PAX4: variants seen among roughly 807,000 people sequenced by gnomAD.
PAX4 encodes the protein paired box protein Pax-4.
PAX4 carries 33 observed loss-of-function variants against 40.6 expected under a neutral mutation model. The ratio of observed to expected loss-of-function variants is 0.81; its 90% CI spans 0.62 to 1.09. The LOEUF is 1.09. Among genes scored for constraint, PAX4 ranks in the 50% least tolerant of loss-of-function variants. The pLI, the probability that PAX4 is intolerant of heterozygous loss-of-function variation, is 0.00. For missense variants in PAX4, 459 were observed against 442.5 expected, an observed-to-expected ratio of 1.04 and a Z score of -0.33; for synonymous variants, 174 against 170.6, an observed-to-expected ratio of 1.02 and a Z score of -0.16.
At chr7:127,613,406 C>A (rs373842309) in intron 8 of PAX4, 44 bp downstream of exon 8, 26 of 1,589,638 alleles carry the variant, frequency 1.6e-5, no homozygotes, top group Non-Finnish European at 2.2e-5. Flanking sequence ...CCGGCCCAGA[C>A]TCTTCCTCCT....
In PAX4 at chr7:127,611,167, A is replaced by C; in HGVS notation, c.953T>G (p.Leu318Arg). The C allele has an allele frequency of 2.5e-6, 4 of 1,605,318 alleles. No homozygotes were observed. Among genetic ancestry groups the C allele is most frequent in the Non-Finnish European group, 2.6e-6 (3 of 1,176,032 alleles). The change falls in exon 12 of 12, where the codon CTG (leucine) becomes CGG (arginine). Residue 318 changes from leucine (L) to arginine (R), a missense_variant. Physicochemically the swap from Leu to Arg is moderately radical, Grantham distance 102. Transcript: ENST00000639438. ...PPQPNSLDSGLLCLPCPSSHC... is the reference protein window; with the variant it reads ...PPQPNSLDSGRLCLPCPSSHC... ...GGAGGAAGGGCAAGGAAGGCAAAGC[A>C]GTCCTGAGTCCAGGGAATTCGGCTG...
intron 4 of PAX4, 80 bp from the exon 5 acceptor site, chr7:127,615,175 A>G (rs1038585161): frequency 1.4e-5 from 22 of 1,609,752 alleles, no homozygotes; most frequent in Non-Finnish European, 1.7e-5. Context: ...GGAGGAGGCT[A>G]TAAGACAAAG....
chr7:127,616,725 T>C (rs1794728925), intron 2 of PAX4, among the ~76,000 whole-genome samples: 1 of 152,250 alleles, frequency 6.6e-6, no homozygotes, highest in Non-Finnish European at 1.5e-5. Context: ...GATCTCACAG[T>C]GAAGCTTCAA....
At chr7:127,612,467 GTGGATGGATGGATGGATGGATGGA>G (rs68012321) in intron 9 of PAX4, among the ~76,000 whole-genome samples, 4 of 141,836 alleles carry the variant, frequency 2.8e-5, no homozygotes, top group Admixed American at 2.8e-4. Context: ...GAATGAATGG[GTGGATGGATGGATGGATGGATGGA>G]TGGATGGATG....
intron 7 of PAX4, 33 bp from the exon 8 acceptor site, chr7:127,613,565 C>A: frequency 6.2e-7 from 1 of 1,610,638 alleles, no homozygotes; most frequent in Non-Finnish European, 8.5e-7. Context: ...AGTAAGGGCA[C>A]CGGGAGAGGA....
At position 127,611,012 on chromosome 7, in the gene PAX4, T is replaced by C; in HGVS notation, c.*52A>G. On this transcript the variant is annotated 3_prime_UTR_variant, in exon 12 of 12. Coordinates refer to ENST00000639438, the MANE Select transcript of PAX4 (RefSeq NM_001366110.1). Reference sequence around the variant, plus strand: ...TGTATGGGCAGGACGGTAAGGACAATGGGCAGGATGGTATTAGATCTTCTC... The same window carrying C: ...TGTATGGGCAGGACGGTAAGGACAACGGGCAGGATGGTATTAGATCTTCTC... The C allele has an allele frequency of 1.3e-6, 2 of 1,563,882 alleles. No individual in the cohort carries two copies. Among genetic ancestry groups the C allele is most frequent in the Non-Finnish European group, 1.7e-6 (2 of 1,152,278 alleles).
At chr7:127,613,399 G>A in intron 8 of PAX4, 51 bp downstream of exon 8, 2 of 1,568,294 alleles carry the variant, frequency 1.3e-6, no homozygotes, top group Non-Finnish European at 1.8e-6. Context: ...GCCCTGGCCG[G>A]CCCAGACTCT....
Position 127,613,906 on chromosome 7 carries a change from G to A in PAX4, c.437-25C>T, listed in dbSNP as rs757013212. 2.5e-6 allele frequency: 4 copies of A among 1,613,360 alleles called. No individual in the cohort carries two copies. In the South Asian group the frequency reaches 4.4e-5, roughly 18 times the overall value. On this transcript the variant is annotated intron_variant, in intron 6 of 11. Coordinates refer to ENST00000639438, the MANE Select transcript of PAX4 (RefSeq NM_001366110.1). Reference sequence around the variant, plus strand: ...GCTGAAAAGGAAGATAACAGTTTGTGGTGGTTTGTGATGGTGATTCCTCTG... The same window carrying A: ...GCTGAAAAGGAAGATAACAGTTTGTAGTGGTTTGTGATGGTGATTCCTCTG...
At position 127,610,542 on chromosome 7, in the gene PAX4, T is replaced by TA. The variant is rs1794601458; in HGVS notation, c.*521_*522insT. The stretch of plus-strand genomic sequence containing the variant: ...TTAGGAATAAAATGCCATGATATAA[T>TA]GTCAGTGTGTGTGTGTGTGTGTGTG... On this transcript the variant is annotated 3_prime_UTR_variant, in exon 12 of 12. Coordinates refer to ENST00000639438, the MANE Select transcript of PAX4 (RefSeq NM_001366110.1). The TA allele has an allele frequency of 1.4e-5, 3 of 214,786 alleles. No homozygotes were observed. Among genetic ancestry groups the TA allele is most frequent in the African/African-American group, 3.2e-5 (1 of 31,492 alleles). 13.3% of individuals were successfully genotyped at this position (214,786 alleles called of 1,614,324 possible).
At chr7:127,617,590 G>A (rs1272420697) in intron 1 of PAX4, among the ~76,000 whole-genome samples, 190 bp from the exon 2 acceptor site, 1 of 152,160 alleles carries the variant, frequency 6.6e-6, no homozygotes, top group Non-Finnish European at 1.5e-5. Context: ...CAGGGTGAAG[G>A]AGCTCAAAAT....
intron 8 of PAX4, among the ~76,000 whole-genome samples, 161 bp downstream of exon 8, chr7:127,613,282 GAGCAGTC>G (rs1229256469): frequency 6.6e-6 from 1 of 152,200 alleles, no homozygotes; most frequent in Non-Finnish European, 1.5e-5. Flanking sequence ...GAAGAGAGGA[GAGCAGTC>G]AGCAGAAGGT....
chr7:127,611,693 A>G lies in PAX4; in HGVS notation c.772-17T>C. On this transcript the variant is annotated splice_polypyrimidine_tract_variant and intron_variant, in intron 10 of 11. Coordinates refer to ENST00000639438, the MANE Select transcript of PAX4 (RefSeq NM_001366110.1). ...AGGGGACTGCTAAAAAAAAAAAGCA[A>G]GAGAAGAACCTTAGCTTCCAGTGAT... 1 of 1,607,790 alleles carries G rather than the reference A, an allele frequency of 6.2e-7. No individual in the cohort carries two copies. Among genetic ancestry groups the G allele is most frequent in the Non-Finnish European group, 8.5e-7 (1 of 1,179,856 alleles).
chr7:127,614,437 A>C, intron 6 of PAX4, 45 bp downstream of exon 6: 457 of 1,390,314 alleles, frequency 3.3e-4, no homozygotes, highest in Non-Finnish European at 4.2e-4. Context: ...ATAAAATGCT[A>C]GAGATTTGGC....
In PAX4 at chr7:127,613,478, G is replaced by A; in HGVS notation, c.617C>T (p.Ala206Val). The change falls in exon 8 of 12, where the codon GCC becomes GTC. Residue 206 changes from alanine to valine, a missense_variant. Coordinates refer to ENST00000639438, the MANE Select transcript of PAX4 (RefSeq NM_001366110.1). ...CACCGTGTCCTCAGGCAGAGAGGTG[G>A]CAGTAGCCAGCTTTCCACGGGCCAC... Reference protein sequence around the residue: ...DSVARGKLATATSLPEDTVRV... With the variant: ...DSVARGKLATVTSLPEDTVRV... 1.9e-6 allele frequency: 3 copies of A among 1,614,156 alleles called. No individual in the cohort carries two copies. In the African/African-American group the frequency reaches 4.0e-5, roughly 22 times the overall value.
At chr7:127,612,915 T>C in intron 9 of PAX4, 107 bp downstream of exon 9, 1 of 851,632 alleles carries the variant, frequency 1.2e-6, no homozygotes, top group South Asian at 1.4e-5. Flanking sequence ...GGTGGATGGA[T>C]AAATGGATGG....
At chr7:127,615,249 T>A in intron 4 of PAX4, 152 bp downstream of exon 4, 1 of 1,593,028 alleles carries the variant, frequency 6.3e-7, no homozygotes, top group Non-Finnish European at 8.5e-7. Context: ...GGCCTGAGGC[T>A]CCCCTTTTCA....
intron 3 of PAX4, 52 bp from the exon 4 acceptor site, chr7:127,615,583 G>A (rs907971615): frequency 3.2e-5 from 51 of 1,611,458 alleles, no homozygotes; most frequent in African/African-American, 4.0e-5. Flanking sequence ...TGCCCTGCCC[G>A]CCTGTGGAGA....
Position 127,614,546 on chromosome 7 carries a change from G to A in PAX4, c.372C>T (p.Ile124=), listed in dbSNP as rs267601272. The change falls in exon 6 of 12, where the codon ATC becomes ATT. Residue 124 remains isoleucine, a synonymous_variant. Coordinates refer to ENST00000639438, the MANE Select transcript of PAX4 (RefSeq NM_001366110.1). ...TQDKTPSVSS[I]NRVLRALQED... ...CCTGTAATGCCCGCAGGACTCGGTTGATGGAGGAGACCTGGGAGTGTCAGG... is the reference window on the plus strand; with the variant it reads ...CCTGTAATGCCCGCAGGACTCGGTTAATGGAGGAGACCTGGGAGTGTCAGG... The A allele has an allele frequency of 2.5e-6, 4 of 1,592,210 alleles. No individual in the cohort carries two copies. The highest frequency in any genetic ancestry group is 3.4e-4 in the Middle Eastern group (2 of 5,850).
chr7:127,611,307 A>G, intron 11 of PAX4, 101 bp from the exon 12 acceptor site: 1 of 1,313,258 alleles, frequency 7.6e-7, no homozygotes, highest in Non-Finnish European at 1.1e-6. Context: ...CACCCTGCAT[A>G]TACACACTTG....
Sources: allele counts gnomAD v4.1 joint callset (sites outside exome capture counted in the v4.1 genomes callset), GRCh38; gene constraint gnomAD v4.1.1; transcripts MANE v1.5; gene names NCBI Gene and HGNC (gene_info 2026-07-23, HGNC 2026-07-21).